The following RPS6KC1 variants were observed in gnomAD, a reference collection of about 807,000 sequenced individuals.
RPS6KC1 encodes the protein inactive ribosomal protein S6 kinase delta-1.
A neutral mutation model predicts 103.8 loss-of-function variants in RPS6KC1; 54 were observed. The observed-to-expected ratio is 0.52, with a 90% CI of 0.42 to 0.65. RPS6KC1 has a LOEUF of 0.65. RPS6KC1 is among the 30% of genes least tolerant of loss of function. The probability of loss-of-function intolerance (pLI) is 0.00; values close to 1 mark genes in which losing one functional copy is unlikely to be tolerated. For synonymous variants in RPS6KC1, 439 were observed against 438.7 expected (o/e 1.00, Z -0.01); for missense variants, 1,151 against 1,253.8 (o/e 0.92, Z 1.24).
At chr1:213,714,744 T>G in the RPS6KC1 span, among the ~76,000 whole-genome samples, 1 of 152,266 alleles carries the variant, frequency 6.6e-6, no homozygotes, top group Non-Finnish European at 1.5e-5. Flanking sequence ...CTAGGCAGAT[T>G]GGCTTGATTT....
chr1:213,409,294 C>T, the RPS6KC1 span, among the ~76,000 whole-genome samples: 3 of 151,916 alleles, frequency 2.0e-5, no homozygotes, highest in African/African-American at 4.8e-5. Flanking sequence ...CAACCTAATA[C>T]GTTGTGGGGA....
the RPS6KC1 span, among the ~76,000 whole-genome samples, chr1:213,631,435 G>A: frequency 6.6e-6 from 1 of 150,550 alleles, no homozygotes; most frequent in South Asian, 2.1e-4. Context: ...TTGTATTCTA[G>A]TGAGTAGGTA....
chr1:213,804,087 G>C, the RPS6KC1 span, among the ~76,000 whole-genome samples: 1 of 137,568 alleles, frequency 7.3e-6, no homozygotes, highest in South Asian at 2.4e-4. Flanking sequence ...TTGTGAACAT[G>C]TACCCTAAAA....
At chr1:213,508,290 C>A in the RPS6KC1 span, among the ~76,000 whole-genome samples, 2 of 152,142 alleles carry the variant, frequency 1.3e-5, no homozygotes, top group Non-Finnish European at 2.9e-5. Context: ...AAGCCAATTT[C>A]TCTGCATTAT....
chr1:213,851,200 C>T, the RPS6KC1 span, among the ~76,000 whole-genome samples: 1 of 152,072 alleles, frequency 6.6e-6, no homozygotes, highest in African/African-American at 2.4e-5. Flanking sequence ...CTCCACTTTC[C>T]CTAGTTGACA....
At chr1:213,052,810 G>C (rs1453140465) in intron 1 of RPS6KC1, among the ~76,000 whole-genome samples, 1 of 152,158 alleles carries the variant, frequency 6.6e-6, no homozygotes, top group Non-Finnish European at 1.5e-5. Context: ...CCAAAGTGCT[G>C]GGATTACAGG....
chr1:213,209,075 A>G (rs779055900), intron 8 of RPS6KC1, among the ~76,000 whole-genome samples: 1 of 151,810 alleles, frequency 6.6e-6, no homozygotes, highest in Admixed American at 6.6e-5. Context: ...ACAACATACT[A>G]TGTTGGCTAC....
At chr1:213,186,360 A>G (rs2092531441) in intron 8 of RPS6KC1, among the ~76,000 whole-genome samples, 1 of 151,996 alleles carries the variant, frequency 6.6e-6, no homozygotes, top group South Asian at 2.1e-4. Flanking sequence ...GTATTCTCGG[A>G]TGGCAGTTTT....
At chr1:213,452,614 A>G in the RPS6KC1 span, among the ~76,000 whole-genome samples, 1 of 152,116 alleles carries the variant, frequency 6.6e-6, no homozygotes, top group Non-Finnish European at 1.5e-5. Context: ...TTTCTCATGG[A>G]CCTGCAATAC....
intron 10 of RPS6KC1, among the ~76,000 whole-genome samples, chr1:213,237,883 GT>G (rs1234364719): frequency 4.0e-5 from 6 of 151,590 alleles, no homozygotes; most frequent in African/African-American, 4.8e-5. Context: ...GCAATAACAG[GT>G]TTTTTTTAAG....
the RPS6KC1 span, among the ~76,000 whole-genome samples, chr1:213,323,920 T>A: frequency 6.6e-6 from 1 of 152,202 alleles, no homozygotes; most frequent in Non-Finnish European, 1.5e-5. Flanking sequence ...ATTCTATGAG[T>A]TTGGACAAAT....
chr1:213,628,886 A>G, the RPS6KC1 span, among the ~76,000 whole-genome samples: 1 of 151,904 alleles, frequency 6.6e-6, no homozygotes, highest in Non-Finnish European at 1.5e-5. Context: ...CATGGAGTTG[A>G]GCAGTTTTGA....
At chr1:213,104,423 C>G in intron 3 of RPS6KC1, 31 bp from the exon 4 acceptor site, 2 of 1,367,486 alleles carry the variant, frequency 1.5e-6, no homozygotes, top group South Asian at 1.2e-5. Context: ...GATCATTCTT[C>G]CCTTAAGTGT....
chr1:213,513,486 T>A, the RPS6KC1 span, among the ~76,000 whole-genome samples: 1 of 152,356 alleles, frequency 6.6e-6, no homozygotes, highest in African/African-American at 2.4e-5. Flanking sequence ...GTTCCTTCTC[T>A]TAAGGGTTTA....
chr1:213,737,405 C>G, the RPS6KC1 span, among the ~76,000 whole-genome samples: 1 of 152,142 alleles, frequency 6.6e-6, no homozygotes, highest in East Asian at 1.9e-4. Context: ...TGATCAGTTA[C>G]TAAGGAATCA....
the RPS6KC1 span, among the ~76,000 whole-genome samples, chr1:213,573,094 C>T: frequency 2.6e-5 from 4 of 152,194 alleles, no homozygotes; most frequent in Non-Finnish European, 4.4e-5. Context: ...AAAGTTTACT[C>T]AGCACCAGTC....
At chr1:213,443,375 G>C in the RPS6KC1 span, among the ~76,000 whole-genome samples, 2 of 152,212 alleles carry the variant, frequency 1.3e-5, no homozygotes, top group Admixed American at 1.3e-4. Flanking sequence ...TGTCCGTGAT[G>C]TTCACATGCC....
intron 7 of RPS6KC1, among the ~76,000 whole-genome samples, chr1:213,172,753 C>T (rs148249148): frequency 1.2e-4 from 19 of 152,156 alleles, no homozygotes; most frequent in Non-Finnish European, 2.4e-4. Context: ...TATGTACTTG[C>T]CACCTCTGCT....
chr1:213,601,395 T>G, the RPS6KC1 span, among the ~76,000 whole-genome samples: 1 of 147,962 alleles, frequency 6.8e-6, no homozygotes, highest in African/African-American at 2.4e-5. Context: ...TATATTTATA[T>G]TTGTATATAT....
Sources: gnomAD v4.1 joint callset for allele counts (sites outside exome capture counted in the v4.1 genomes callset) on GRCh38, gnomAD v4.1.1 for gene constraint, MANE v1.5 for transcripts, NCBI Gene and HGNC (gene_info 2026-07-23, HGNC 2026-07-21) for gene names.